LOC400499: variants seen among roughly 807,000 people sequenced by gnomAD.
chr16:11,499,311 A>AAGGGAGGGAGAGGGGAGAGGGGGG, the LOC400499 span, among the ~76,000 whole-genome samples: 1 of 21,380 alleles, frequency 4.7e-5, no homozygotes, highest in Non-Finnish European at 8.2e-5. Flanking sequence ...GGGAGGGGGG[A>AAGGGAGGGAGAGGGGAGAGGGGGG]AGGGAGGGAG....
the LOC400499 span, among the ~76,000 whole-genome samples, chr16:11,461,576 T>C: frequency 6.6e-6 from 1 of 152,174 alleles, no homozygotes; most frequent in South Asian, 2.1e-4. Flanking sequence ...AAAGAAAGAA[T>C]AGCCCATCAT....
the LOC400499 span, among the ~76,000 whole-genome samples, chr16:11,445,965 C>T: frequency 6.6e-6 from 1 of 151,518 alleles, no homozygotes; most frequent in African/African-American, 2.4e-5. Flanking sequence ...GCTGGGACTG[C>T]AGGTACCTAC....
the LOC400499 span, among the ~76,000 whole-genome samples, chr16:11,500,435 C>T: frequency 0.67 from 101,279 of 151,568 alleles, 33,971 homozygotes; most frequent in Admixed American, 0.74. Context: ...TGCTTGAACC[C>T]AGGAGGTGGA....
chr16:11,479,466 A>ATT, the LOC400499 span, among the ~76,000 whole-genome samples: 2,724 of 149,348 alleles, frequency 0.018, 80 homozygotes, highest in African/African-American at 0.064. Context: ...AAAAAATTAA[A>ATT]AAAAAAAAAA....
At chr16:11,453,254 CT>C in the LOC400499 span, among the ~76,000 whole-genome samples, 1 of 152,138 alleles carries the variant, frequency 6.6e-6, no homozygotes, top group East Asian at 1.9e-4. Context: ...AGATCCCTAA[CT>C]TTGCTAAACT....
At chr16:11,449,548 C>T in the LOC400499 span, among the ~76,000 whole-genome samples, 302 of 152,332 alleles carry the variant, frequency 2.0e-3, 1 homozygote, top group African/African-American at 7.0e-3. Context: ...TTTGCAGCCG[C>T]CACCCTGGCA....
chr16:11,480,556 C>T, the LOC400499 span, among the ~76,000 whole-genome samples: 1 of 152,150 alleles, frequency 6.6e-6, no homozygotes, highest in Non-Finnish European at 1.5e-5. Context: ...GTGGTTCCTA[C>T]CCATAGGATG....
chr16:11,411,936 C>T, the LOC400499 span, among the ~76,000 whole-genome samples: 1 of 151,846 alleles, frequency 6.6e-6, no homozygotes, highest in Non-Finnish European at 1.5e-5. Flanking sequence ...CATCTCTGCT[C>T]ACTGCAGCTT....
the LOC400499 span, among the ~76,000 whole-genome samples, chr16:11,420,357 C>A: frequency 3.3e-5 from 5 of 149,504 alleles, no homozygotes; most frequent in Non-Finnish European, 7.4e-5. Flanking sequence ...AAAAACCAAA[C>A]ACCACATGTT....
At chr16:11,408,464 T>TTA in the LOC400499 span, among the ~76,000 whole-genome samples, 1 of 150,952 alleles carries the variant, frequency 6.6e-6, no homozygotes, top group African/African-American at 2.4e-5. Flanking sequence ...TTTTTTTTTT[T>TTA]TTTTTTTTAG....
the LOC400499 span, among the ~76,000 whole-genome samples, chr16:11,416,960 G>A: frequency 5.3e-5 from 8 of 152,032 alleles, no homozygotes; most frequent in East Asian, 1.9e-4. Context: ...CTGTGTGATC[G>A]GGACGGCTGT....
the LOC400499 span, among the ~76,000 whole-genome samples, chr16:11,412,151 C>T: frequency 1.6e-4 from 25 of 152,242 alleles, no homozygotes; most frequent in South Asian, 1.7e-3. Flanking sequence ...AGGTGTGAGC[C>T]GCTGTGCCAG....
the LOC400499 span, among the ~76,000 whole-genome samples, chr16:11,418,054 G>T: frequency 2.6e-5 from 4 of 152,194 alleles, no homozygotes; most frequent in Admixed American, 2.6e-4. Context: ...GAGAAAACGC[G>T]GAGAAACCAA....
chr16:11,489,499 C>G, the LOC400499 span, among the ~76,000 whole-genome samples: 1 of 93,198 alleles, frequency 1.1e-5, no homozygotes, highest in Non-Finnish European at 1.9e-5. Context: ...GGGACTGAAT[C>G]CAACGGGAAT....
At chr16:11,409,678 G>C in the LOC400499 span, among the ~76,000 whole-genome samples, 1 of 152,200 alleles carries the variant, frequency 6.6e-6, no homozygotes, top group African/African-American at 2.4e-5. Context: ...AATTGTATAT[G>C]GGCTGTACAT....
At chr16:11,466,016 G>C in the LOC400499 span, among the ~76,000 whole-genome samples, 2 of 152,340 alleles carry the variant, frequency 1.3e-5, no homozygotes, top group East Asian at 1.9e-4. Flanking sequence ...CAGAATATTT[G>C]TAAGAGCAGA....
At chr16:11,523,143 A>C in the LOC400499 span, among the ~76,000 whole-genome samples, 2 of 152,314 alleles carry the variant, frequency 1.3e-5, no homozygotes, top group East Asian at 3.9e-4. Context: ...AAAGACATTT[A>C]TTCCACCTGG....
chr16:11,509,255 C>T, the LOC400499 span, among the ~76,000 whole-genome samples: 1 of 151,434 alleles, frequency 6.6e-6, no homozygotes, highest in Non-Finnish European at 1.5e-5. Flanking sequence ...GTAGCTGGGA[C>T]TACAGGCGCC....
the LOC400499 span, among the ~76,000 whole-genome samples, chr16:11,527,409 C>A: frequency 6.6e-6 from 1 of 151,760 alleles, no homozygotes. Flanking sequence ...GGCTCCTGAC[C>A]AATGAGGGGA....
Sources: gnomAD v4.1 joint callset for allele counts (sites outside exome capture counted in the v4.1 genomes callset) on GRCh38, gnomAD v4.1.1 for gene constraint, MANE v1.5 for transcripts.